Variants in PIK3C2B observed in about 807,000 individuals in gnomAD.
PIK3C2B encodes the protein phosphatidylinositol 4-phosphate 3-kinase C2 domain-containing subunit beta.
PIK3C2B carries 83 observed loss-of-function variants against 184.3 expected under a neutral mutation model. That is an observed-to-expected ratio of 0.45 (90% confidence interval 0.38 to 0.54). PIK3C2B has a LOEUF of 0.54. Ranked by LOEUF, PIK3C2B falls within the 20% of genes least tolerant of loss-of-function variation. The pLI, the probability that PIK3C2B is intolerant of heterozygous loss-of-function variation, is 0.00. For synonymous variants in PIK3C2B, 779 were observed against 837.6 expected, an observed-to-expected ratio of 0.93 and a Z score of 1.21; for missense variants, 1,736 against 2,113.5, an observed-to-expected ratio of 0.82 and a Z score of 3.50.
chr1:204,460,081 G>C, intron 7 of PIK3C2B, 140 bp from the exon 8 acceptor site: 1 of 717,846 alleles, frequency 1.4e-6, no homozygotes, highest in Non-Finnish European at 2.4e-6. Context: ...GTCCTGTGAA[G>C]ACATATAGAG....
Position 204,433,379 on chromosome 1 carries a change from T to C in PIK3C2B, c.3890A>G (p.Lys1297Arg). The C allele has an allele frequency of 6.2e-7, 1 of 1,612,822 alleles. No homozygotes were observed. Among genetic ancestry groups the C allele is most frequent in the Non-Finnish European group, 8.5e-7 (1 of 1,178,756 alleles). Residue 1297 changes from lysine (K) to arginine (R), a missense_variant, in exon 26 of 33, where the codon AAG (lysine) becomes AGG (arginine). Around this residue, in one of 8 missense-constraint regions of PIK3C2B, gnomAD observed 119 missense variants for 179.3 expected, o/e 0.66. Coordinates refer to ENST00000684373, the MANE Select transcript of PIK3C2B (RefSeq NM_001377334.1). The surrounding 1 kb of genome is among the most constrained non-coding windows in gnomAD (Gnocchi z 5.0). ...IPELSDLEDL[K>R]YVYDALRPQD... is the part of the protein sequence containing the mutation. ...AGGCCTCAGGGCATCGTACACATACTTGAGGTCCTCCAGGTCTGAGAGTTC... is the reference window on the plus strand; with the variant it reads ...AGGCCTCAGGGCATCGTACACATACCTGAGGTCCTCCAGGTCTGAGAGTTC...
intron 1 of PIK3C2B, among the ~76,000 whole-genome samples, chr1:204,489,653 T>C: frequency 6.6e-6 from 1 of 152,016 alleles, no homozygotes; most frequent in Admixed American, 6.6e-5. Flanking sequence ...GCAATTTCTT[T>C]CACTCTCTGG....
intron 30 of PIK3C2B, 90 bp downstream of exon 30, chr1:204,428,049 G>A: frequency 1.3e-6 from 1 of 748,644 alleles, no homozygotes; most frequent in Non-Finnish European, 2.4e-6. Flanking sequence ...AAGTCAAGGA[G>A]AGAGAACTGA....
chr1:204,439,455 C>A (rs139768414), intron 22 of PIK3C2B, among the ~76,000 whole-genome samples: 96 of 152,322 alleles, frequency 6.3e-4, no homozygotes, highest in Non-Finnish European at 2.6e-4. Flanking sequence ...CCACTCCCTG[C>A]CACCTTGGTT....
At chr1:204,467,020 G>A (rs749539321) in intron 2 of PIK3C2B, 5 of 471,918 alleles carry the variant, frequency 1.1e-5, no homozygotes, top group Non-Finnish European at 2.2e-5. Context: ...GCTGAGCCGG[G>A]GAGGACCAAG....
Position 204,424,350 on chromosome 1 carries a change from C to A in PIK3C2B, c.*502G>T, listed in dbSNP as rs1254882452. The A allele has an allele frequency of 6.2e-5, 12 of 194,446 alleles. No individual in the cohort carries two copies. The highest frequency in any genetic ancestry group is 1.1e-4 in the Non-Finnish European group (10 of 92,672). The allele number at this position is 194,446 out of a possible 1,614,324, so 12.0% of individuals were successfully genotyped here. The stretch of plus-strand genomic sequence containing the variant: ...CAACAACAATAACAAAAAAAAAAAA[C>A]CTAGGGAAAAGTCCAATAAGAACCT... On this transcript the variant is annotated 3_prime_UTR_variant, in exon 33 of 33. Transcript: ENST00000684373.
intron 18 of PIK3C2B, 85 bp from the exon 19 acceptor site, chr1:204,443,682 C>T (rs2103482808): frequency 3.2e-6 from 4 of 1,264,914 alleles, no homozygotes; most frequent in Non-Finnish European, 4.6e-6. Context: ...GGCCCAGCTC[C>T]AACTCACTGC....
intron 5 of PIK3C2B, among the ~76,000 whole-genome samples, chr1:204,461,250 T>C (rs372197741): frequency 8.6e-4 from 131 of 152,278 alleles, no homozygotes; most frequent in African/African-American, 2.9e-3. Context: ...ACCTTACAAA[T>C]TTCTATGACT....
In PIK3C2B at chr1:204,455,244, G is replaced by A. The variant is rs1457071825; in HGVS notation, c.1944-453C>T. Among the ~76,000 whole-genome samples the A allele has an allele frequency of 3.9e-5, 6 of 152,128 alleles. No homozygotes were observed. In the East Asian group the frequency reaches 5.8e-4, roughly 15 times the overall value. ...GACAGAAGAGGTCAGAGAAGGCCCC[G>A]GTTTCCCAGGCTGCCTCCTTTGTTC... On this transcript the variant is annotated intron_variant, in intron 11 of 32. Coordinates refer to ENST00000684373, the MANE Select transcript of PIK3C2B (RefSeq NM_001377334.1).
At chr1:204,479,580 CT>C (rs1662298449) in intron 1 of PIK3C2B, among the ~76,000 whole-genome samples, 1 of 152,204 alleles carries the variant, frequency 6.6e-6, no homozygotes, top group African/African-American at 2.4e-5. Context: ...AACAAAGGTC[CT>C]CTGAAAGAGG....
intron 1 of PIK3C2B, among the ~76,000 whole-genome samples, chr1:204,481,245 G>A (rs77966337): frequency 0.017 from 2,452 of 146,840 alleles, 37 homozygotes; most frequent in Non-Finnish European, 0.023. Flanking sequence ...GAGGAAGCTG[G>A]CCTAGACCCA....
chr1:204,456,898 A>ACACACC (rs1654897100), intron 10 of PIK3C2B, 139 bp downstream of exon 10: 1 of 417,192 alleles, frequency 2.4e-6, no homozygotes. Context: ...ACACACACAC[A>ACACACC]CACACACACC....
chr1:204,433,670 A>C lies in PIK3C2B; in HGVS notation c.3843+123T>G. 2.1e-6 allele frequency: 2 copies of C among 950,702 alleles called. No individual in the cohort carries two copies. Among genetic ancestry groups the C allele is most frequent in the Non-Finnish European group, 3.3e-6 (2 of 605,998 alleles). The allele number at this position is 950,702 out of a possible 1,614,324, so 58.9% of individuals were successfully genotyped here. On this transcript the variant is annotated intron_variant, in intron 25 of 32. Transcript: ENST00000684373. This position sits in a 1 kb window ranked among gnomAD's most constrained non-coding sequence, Gnocchi z 5.0. ...GTCCCTGCCTTTATCTAGGGCAGGC[A>C]GGTATTCAGTTGGGGCTCAGAGAGG... is the stretch of plus-strand genomic sequence containing the variant.
chr1:204,448,690 T>C (rs907725933), intron 14 of PIK3C2B, among the ~76,000 whole-genome samples: 5 of 149,398 alleles, frequency 3.3e-5, no homozygotes, highest in African/African-American at 4.9e-5. Flanking sequence ...TCAACATTCA[T>C]ACTCCATACC....
chr1:204,463,719 A>C (rs1231368781), intron 5 of PIK3C2B, among the ~76,000 whole-genome samples: 2 of 150,602 alleles, frequency 1.3e-5, no homozygotes, highest in African/African-American at 2.5e-5. Flanking sequence ...CTCCCCACAA[A>C]TACACACATC....
chr1:204,483,929 C>A (rs180869228), intron 1 of PIK3C2B, among the ~76,000 whole-genome samples: 1 of 152,304 alleles, frequency 6.6e-6, no homozygotes, highest in Non-Finnish European at 1.5e-5. Context: ...ACTGCTTAAG[C>A]TGGATGAGCG....
intron 12 of PIK3C2B, among the ~76,000 whole-genome samples, chr1:204,450,488 C>CATGT (rs1052920467): frequency 2.0e-5 from 3 of 152,068 alleles, no homozygotes; most frequent in African/African-American, 7.2e-5. Context: ...GAAGAAGCAC[C>CATGT]ATGTTCTCTG....
At chr1:204,490,832 C>A (rs1223910967) in intron 1 of PIK3C2B, among the ~76,000 whole-genome samples, 2 of 151,604 alleles carry the variant, frequency 1.3e-5, no homozygotes, top group African/African-American at 4.8e-5. Context: ...CAAAATAAAG[C>A]AGATATGAAA....
chr1:204,467,003 G>C, intron 2 of PIK3C2B: 1 of 492,640 alleles, frequency 2.0e-6, no homozygotes, highest in Non-Finnish European at 4.2e-6. Context: ...CTGAGCCCCT[G>C]CAACAAGCTG....
Sources: allele counts gnomAD v4.1 joint callset (sites outside exome capture counted in the v4.1 genomes callset), GRCh38; gene constraint gnomAD v4.1.1; regional missense constraint gnomAD v4.1.1; non-coding constraint Gnocchi (gnomAD v3.1); transcripts MANE v1.5; gene names NCBI Gene and HGNC (gene_info 2026-07-23, HGNC 2026-07-21).